Variants in SOX6 observed in about 807,000 individuals in gnomAD.
The protein encoded by SOX6 is transcription factor SOX-6.
SOX6 carries 11 observed loss-of-function variants against 97.8 expected under a neutral mutation model. The ratio of observed to expected loss-of-function variants is 0.11; its 90% CI spans 0.07 to 0.19. The LOEUF is 0.19. Ranked by LOEUF, SOX6 falls within the 10% of genes least tolerant of loss-of-function variation. The pLI is 1.00. For missense variants in SOX6, 810 were observed against 1,039.5 expected, an observed-to-expected ratio of 0.78 and a Z score of 3.04; for synonymous variants, 360 against 371.4, an observed-to-expected ratio of 0.97 and a Z score of 0.35.
Position 16,712,078 on chromosome 11 carries a change from T to TACACACAC in SOX6, n.429+2744_429+2751dup, listed in dbSNP as rs58807051. Among the ~76,000 whole-genome samples the TACACACAC allele has an allele frequency of 1.8e-3, 246 of 139,992 alleles. 1 individual carries two copies. The highest frequency in any genetic ancestry group is 2.7e-3 in the African/African-American group (102 of 37,772). The allele number at this position is 139,992 out of a possible 152,430, so 91.8% of individuals were successfully genotyped here. ...CTTTTTATGGCTGAGTAGTATTCCA[T>TACACACAC]ACACACACACACACACACACACACA... On this transcript the variant is annotated intron_variant and non_coding_transcript_variant, in intron 3 of 5. Transcript: ENST00000524520.
intron 13 of SOX6, among the ~76,000 whole-genome samples, chr11:15,991,710 T>C (rs911982145): frequency 6.6e-6 from 1 of 152,232 alleles, no homozygotes; most frequent in Non-Finnish European, 1.5e-5. Context: ...ATTTAAAATA[T>C]GTATTTCATC....
At chr11:16,117,456 G>A (rs527696155) in intron 6 of SOX6, among the ~76,000 whole-genome samples, 4 of 152,300 alleles carry the variant, frequency 2.6e-5, no homozygotes, top group Non-Finnish European at 4.4e-5. Context: ...ATGCTCATCA[G>A]TATGACCCAA....
exon 2 of SOX6, chr11:16,736,458 C>T (rs1316301412): frequency 1.3e-5 from 2 of 152,174 alleles, no homozygotes; most frequent in Non-Finnish European, 2.9e-5. Flanking sequence ...ATTTACCATC[C>T]AGGTGCCAAC....
intron 6 of SOX6, among the ~76,000 whole-genome samples, chr11:16,161,396 A>G (rs1850746859): frequency 6.6e-6 from 1 of 151,452 alleles, no homozygotes; most frequent in South Asian, 2.1e-4. Flanking sequence ...TTGTATATAT[A>G]TATATATAGT....
chr11:16,203,658 C>T (rs1590025071), intron 4 of SOX6, among the ~76,000 whole-genome samples: 1 of 152,098 alleles, frequency 6.6e-6, no homozygotes, highest in South Asian at 2.1e-4. Flanking sequence ...GAATTGCCTA[C>T]ATATACACTT....
At chr11:16,114,514 TG>T (rs1463354668) in intron 6 of SOX6, among the ~76,000 whole-genome samples, 1 of 152,222 alleles carries the variant, frequency 6.6e-6, no homozygotes, top group African/African-American at 2.4e-5. Context: ...CTTTCTTATA[TG>T]GTTTGCATAT....
chr11:16,097,334 G>C (rs1192426087), intron 8 of SOX6, among the ~76,000 whole-genome samples: 1 of 151,852 alleles, frequency 6.6e-6, no homozygotes, highest in Non-Finnish European at 1.5e-5. Context: ...TAACATGTAT[G>C]CAGTAACAAC....
intron 6 of SOX6, among the ~76,000 whole-genome samples, chr11:16,119,492 C>T (rs1849436758): frequency 6.6e-6 from 1 of 152,200 alleles, no homozygotes; most frequent in South Asian, 2.1e-4. Context: ...ATGCTGTGTT[C>T]TTTGCTGTTC....
intron 15 of SOX6, among the ~76,000 whole-genome samples, chr11:15,978,430 T>C (rs558007797): frequency 2.0e-5 from 3 of 151,912 alleles, no homozygotes; most frequent in Non-Finnish European, 2.9e-5. Context: ...GCATTTGATA[T>C]AGCTGATCAT....
intron 4 of SOX6, among the ~76,000 whole-genome samples, chr11:16,568,682 A>G (rs1273069909): frequency 1.3e-5 from 2 of 152,244 alleles, no homozygotes; most frequent in African/African-American, 4.8e-5. Flanking sequence ...TTCACATTAT[A>G]TGCATTTAAA....
chr11:16,477,752 T>C (rs563881377), upstream of SOX6, among the ~76,000 whole-genome samples: 16 of 152,314 alleles, frequency 1.1e-4, no homozygotes, highest in South Asian at 3.3e-3. Flanking sequence ...TTGGACAGCT[T>C]TAAGCATCAA....
At chr11:16,067,361 G>A (rs1848116578) in intron 9 of SOX6, among the ~76,000 whole-genome samples, 1 of 152,130 alleles carries the variant, frequency 6.6e-6, no homozygotes, top group African/African-American at 2.4e-5. Flanking sequence ...AAACATGGGG[G>A]CTGGGTTTTT....
chr11:16,013,285 G>A (rs1018083636), intron 13 of SOX6, among the ~76,000 whole-genome samples: 13 of 151,948 alleles, frequency 8.6e-5, no homozygotes, highest in Middle Eastern at 3.2e-3. Context: ...ATTACATATG[G>A]TCAACAATTT....
chr11:16,657,065 A>G (rs1044211544), intron 3 of SOX6, among the ~76,000 whole-genome samples: 1 of 152,216 alleles, frequency 6.6e-6, no homozygotes, highest in Non-Finnish European at 1.5e-5. Context: ...CCATTACAGT[A>G]TCATACAGAA....
At chr11:16,427,427 C>A (rs573612653) in intron 1 of SOX6, among the ~76,000 whole-genome samples, 5 of 151,770 alleles carry the variant, frequency 3.3e-5, no homozygotes, top group Admixed American at 3.3e-4. Context: ...TGTGCCGCAC[C>A]CATTAACTCG....
chr11:16,702,936 TC>T (rs1230162358), intron 3 of SOX6, among the ~76,000 whole-genome samples: 5 of 149,228 alleles, frequency 3.4e-5, no homozygotes, highest in Non-Finnish European at 7.4e-5. Flanking sequence ...ATATATAAAA[TC>T]CTTCATATGT....
At chr11:16,603,792 G>C (rs1848299439) in intron 4 of SOX6, among the ~76,000 whole-genome samples, 1 of 152,126 alleles carries the variant, frequency 6.6e-6, no homozygotes, top group African/African-American at 2.4e-5. Context: ...CGAAAAATAA[G>C]AAGATAAAAT....
rs1480513973 is a variant in SOX6, at chr11:16,318,658, A to AAAAAT, written c.238-10_238-6dup. On this transcript the variant is annotated splice_region_variant and splice_polypyrimidine_tract_variant and intron_variant, in intron 2 of 15. Transcript: ENST00000683767. ...TAACTTATTATTCTCTGATTCCTAG[A>AAAAAT]AAAATAAAATAAAATAAAACCATTA... is the stretch of plus-strand genomic sequence containing the variant. The AAAAAT allele has an allele frequency of 3.9e-5, 62 of 1,609,822 alleles. No individual in the cohort carries two copies. The highest frequency in any genetic ancestry group is 5.0e-5 in the Non-Finnish European group (59 of 1,176,728).
intron 1 of SOX6, among the ~76,000 whole-genome samples, chr11:16,470,940 A>T (rs1860131045): frequency 6.6e-6 from 1 of 152,138 alleles, no homozygotes; most frequent in African/African-American, 2.4e-5. Flanking sequence ...ACACAATAAA[A>T]TCCTTGTCAG....
Sources: allele counts gnomAD v4.1 joint callset (sites outside exome capture counted in the v4.1 genomes callset), GRCh38; gene constraint gnomAD v4.1.1; transcripts MANE v1.5; gene names NCBI Gene and HGNC (gene_info 2026-07-23, HGNC 2026-07-21).